Variants in SNRPD1 observed in about 807,000 individuals in gnomAD.
The protein encoded by SNRPD1 is small nuclear ribonucleoprotein D1 polypeptide, also known as small nuclear ribonucleoprotein Sm D1.
A neutral mutation model predicts 14.4 loss-of-function variants in SNRPD1; 1 was observed. That is an observed-to-expected ratio of 0.07 (90% CI 0.02 to 0.33). The LOEUF is 0.33. Among genes scored for constraint, SNRPD1 ranks in the 10% least tolerant of loss-of-function variants. The pLI is 1.00. For missense variants in SNRPD1, 52 were observed against 146.4 expected, an observed-to-expected ratio of 0.36 and a Z score of 3.33; for synonymous variants, 42 against 50.3, an observed-to-expected ratio of 0.83 and a Z score of 0.70.
intron 1 of SNRPD1, among the ~76,000 whole-genome samples, chr18:21,618,816 A>T (rs975630547): frequency 2.0e-5 from 3 of 152,158 alleles, no homozygotes; most frequent in African/African-American, 4.8e-5. Flanking sequence ...AAAAGAAATT[A>T]AAAAAAGGCA....
chr18:21,624,655 C>A (rs2039022569), intron 3 of SNRPD1, among the ~76,000 whole-genome samples: 1 of 150,834 alleles, frequency 6.6e-6, no homozygotes, highest in Non-Finnish European at 1.5e-5. Flanking sequence ...CACGCCACTG[C>A]ACTCCAGCCT....
In SNRPD1 at chr18:21,632,000, A is replaced by G. The variant is rs1190735792; in HGVS notation, c.*2862A>G. 6.6e-6 allele frequency: 1 copy of G among 152,174 alleles called. No individual in the cohort carries two copies. The highest frequency in any genetic ancestry group is 2.4e-5 in the African/African-American group (1 of 41,442). 9.4% of individuals were successfully genotyped at this position (152,174 alleles called of 1,614,324 possible). A position where few individuals can be genotyped will look rare whatever the true frequency, so the allele number is the denominator to read the frequency against. On this transcript the variant is annotated 3_prime_UTR_variant, in exon 4 of 4. Transcript: ENST00000300413. Reference sequence around the variant, plus strand: ...AAATTGGAGCTTAGTGCCGTGGTGCACACTTGTAGTCCCTGCTACTGGGGA... The same window carrying G: ...AAATTGGAGCTTAGTGCCGTGGTGCGCACTTGTAGTCCCTGCTACTGGGGA...
chr18:21,619,374 GT>G (rs1271719608), intron 1 of SNRPD1, among the ~76,000 whole-genome samples: 1 of 151,952 alleles, frequency 6.6e-6, no homozygotes, highest in Admixed American at 6.6e-5. Context: ...CAGAGACGGG[GT>G]TTCGCCATGT....
chr18:21,632,822 T>G lies in SNRPD1; in HGVS notation c.*3684T>G, dbSNP rs1330493986. On this transcript the variant is annotated 3_prime_UTR_variant, in exon 4 of 4. Transcript: ENST00000300413. Reference sequence around the variant, plus strand: ...ATGAGATGTTACATATGAACTTTAGTTTTTTTTCTTTTCTTTTCTTTTCTT... The same window carrying G: ...ATGAGATGTTACATATGAACTTTAGGTTTTTTTCTTTTCTTTTCTTTTCTT... 1.3e-5 allele frequency: 2 copies of G among 149,582 alleles called. No individual in the cohort carries two copies. The highest frequency in any genetic ancestry group is 5.3e-5 in the African/African-American group (2 of 37,394). 9.3% of individuals were successfully genotyped at this position (149,582 alleles called of 1,614,324 possible).
chr18:21,619,863 C>T (rs1315139412), intron 1 of SNRPD1, among the ~76,000 whole-genome samples: 1 of 152,210 alleles, frequency 6.6e-6, no homozygotes, highest in Non-Finnish European at 1.5e-5. Flanking sequence ...TGGCTCATTG[C>T]AGCCTCAAAG....
chr18:21,622,213 C>T (rs1267546839), intron 1 of SNRPD1, among the ~76,000 whole-genome samples: 1 of 151,746 alleles, frequency 6.6e-6, no homozygotes, highest in South Asian at 2.1e-4. Flanking sequence ...GATCTCGGCT[C>T]ACTGAGAGCT....
intron 3 of SNRPD1, among the ~76,000 whole-genome samples, chr18:21,627,152 C>T (rs1234123193): frequency 6.6e-6 from 1 of 152,010 alleles, no homozygotes; most frequent in Non-Finnish European, 1.5e-5. Context: ...GCCTGCAGTC[C>T]CAGCTACTCG....
At chr18:21,615,668 GAAAAT>G (rs1010734013) in intron 1 of SNRPD1, among the ~76,000 whole-genome samples, 37 of 152,172 alleles carry the variant, frequency 2.4e-4, no homozygotes, top group African/African-American at 8.2e-4. Context: ...AAAATTACAA[GAAAAT>G]AAAATAAAAA....
chr18:21,632,890 A>T lies in SNRPD1; in HGVS notation c.*3752A>T, dbSNP rs1292886897. The T allele has an allele frequency of 6.9e-6, 1 of 145,628 alleles. No individual in the cohort carries two copies. Among genetic ancestry groups the T allele is most frequent in the Non-Finnish European group, 1.5e-5 (1 of 67,322 alleles). The allele number at this position is 145,628 out of a possible 1,614,324, so 9.0% of individuals were successfully genotyped here. A position where few individuals can be genotyped will look rare whatever the true frequency, so the allele number is the denominator to read the frequency against. ...TTTTGAGACAGAGTCTAGCTCTGTC[A>T]CCCAGGCTGGAGTGCAGTGGTGCAA... On this transcript the variant is annotated 3_prime_UTR_variant, in exon 4 of 4. Transcript: ENST00000300413.
chr18:21,617,613 T>C (rs907615165), intron 1 of SNRPD1, among the ~76,000 whole-genome samples: 1 of 152,194 alleles, frequency 6.6e-6, no homozygotes, highest in Admixed American at 6.5e-5. Context: ...AATCCTTCAG[T>C]AGCTCTCCTA....
chr18:21,624,698 A>G, intron 3 of SNRPD1, among the ~76,000 whole-genome samples: 1 of 117,350 alleles, frequency 8.5e-6, no homozygotes, highest in Admixed American at 8.9e-5. Context: ...CTCAAAAAAA[A>G]AAAATATATA....
intron 3 of SNRPD1, 21 bp from the exon 4 acceptor site, chr18:21,629,036 CTTGGT>C (rs764189135): frequency 1.4e-5 from 22 of 1,594,132 alleles, no homozygotes; most frequent in Non-Finnish European, 1.7e-5. Flanking sequence ...GAGAATTGAA[CTTGGT>C]TTGTTTTTCT....
intron 1 of SNRPD1, among the ~76,000 whole-genome samples, chr18:21,620,232 G>A (rs1206494298): frequency 1.3e-5 from 2 of 152,106 alleles, no homozygotes; most frequent in Non-Finnish European, 2.9e-5. Context: ...GGGGTTACAG[G>A]CATGAGCTAC....
At chr18:21,616,787 G>C (rs2038961191) in intron 1 of SNRPD1, among the ~76,000 whole-genome samples, 1 of 151,470 alleles carries the variant, frequency 6.6e-6, no homozygotes, top group African/African-American at 2.4e-5. Context: ...CCAGGTTCAA[G>C]TGATTCCCCT....
intron 1 of SNRPD1, among the ~76,000 whole-genome samples, chr18:21,619,747 T>C (rs1191247669): frequency 6.6e-6 from 1 of 151,154 alleles, no homozygotes; most frequent in Non-Finnish European, 1.5e-5. Context: ...GCCACTGCAC[T>C]CCAGCCTGGG....
intron 1 of SNRPD1, among the ~76,000 whole-genome samples, chr18:21,615,226 T>G (rs914921645): frequency 1.3e-5 from 2 of 152,228 alleles, no homozygotes; most frequent in Non-Finnish European, 2.9e-5. Flanking sequence ...AAAACTTCTT[T>G]TAGTTACATG....
Position 21,612,335 on chromosome 18 carries a change from A to C in SNRPD1, c.-95A>C. ...CGCTCTTGACGTCCGGAGCCCCTGG[A>C]GTAGGCGCTTCCGGCCATTCATACT... is the stretch of plus-strand genomic sequence containing the variant. On this transcript the variant is annotated 5_prime_UTR_variant, in exon 1 of 4. Coordinates refer to ENST00000300413, the MANE Select transcript of SNRPD1 (RefSeq NM_006938.4). 2.2e-6 allele frequency: 2 copies of C among 912,940 alleles called. No homozygotes were observed. Among genetic ancestry groups the C allele is most frequent in the Non-Finnish European group, 1.6e-6 (1 of 618,502 alleles). 56.6% of individuals were successfully genotyped at this position (912,940 alleles called of 1,614,324 possible).
At chr18:21,625,960 A>G (rs543594638) in intron 3 of SNRPD1, among the ~76,000 whole-genome samples, 1 of 152,230 alleles carries the variant, frequency 6.6e-6, no homozygotes, top group African/African-American at 2.4e-5. Flanking sequence ...TCCTCTGGGT[A>G]GTTATCATTT....
Position 21,631,001 on chromosome 18 carries a change from G to C in SNRPD1, c.*1863G>C, listed in dbSNP as rs1346037475. 1.3e-5 allele frequency: 2 copies of C among 148,676 alleles called. No homozygotes were observed. The highest frequency in any genetic ancestry group is 2.5e-5 in the African/African-American group (1 of 40,240). 9.2% of individuals were successfully genotyped at this position (148,676 alleles called of 1,614,324 possible). A position where few individuals can be genotyped will look rare whatever the true frequency, so the allele number is the denominator to read the frequency against. ...TTTCCACAGTTGATAATTTTTTTTT[G>C]TAAGTCATTGAAGTTATATAGTAAT... On this transcript the variant is annotated 3_prime_UTR_variant, in exon 4 of 4. Coordinates refer to ENST00000300413, the MANE Select transcript of SNRPD1 (RefSeq NM_006938.4).
Sources: gnomAD v4.1 joint callset for allele counts (sites outside exome capture counted in the v4.1 genomes callset) on GRCh38, gnomAD v4.1.1 for gene constraint, MANE v1.5 for transcripts, NCBI Gene and HGNC (gene_info 2026-07-23, HGNC 2026-07-21) for gene names.